MCTP2: variants seen among roughly 807,000 people sequenced by gnomAD.
MCTP2 encodes the protein multiple C2 and transmembrane domain containing 2, also known as multiple C2 and transmembrane domain-containing protein 2.
MCTP2 carries 132 observed loss-of-function variants against 111.6 expected under a neutral mutation model. The observed-to-expected ratio is 1.18, with a 90% CI of 1.03 to 1.37. The LOEUF (loss-of-function observed/expected upper bound fraction) is 1.37. Among genes scored for constraint, MCTP2 ranks in the 40% most tolerant of loss-of-function variants. The probability of loss-of-function intolerance (pLI) is 0.00; values close to 1 mark genes in which losing one functional copy is unlikely to be tolerated. For missense variants in MCTP2, 1,183 were observed against 1,067.9 expected (o/e 1.11, Z -1.50); for synonymous variants, 395 against 387.7 (o/e 1.02, Z -0.22).
intron 4 of MCTP2, among the ~76,000 whole-genome samples, chr15:94,317,263 C>T (rs1328682008): frequency 6.6e-6 from 1 of 152,004 alleles, no homozygotes; most frequent in Non-Finnish European, 1.5e-5. Context: ...GTTTGCTTAT[C>T]ATTTTATTTG....
Position 94,265,337 on chromosome 15 carries a change from C to T in MCTP2, c.-65-32864C>T, listed in dbSNP as rs371412552. Among the ~76,000 whole-genome samples, 26 of 152,224 alleles carry T rather than the reference C, an allele frequency of 1.7e-4. 1 individual carries two copies. The highest frequency in any genetic ancestry group is 1.0e-3 in the South Asian group (5 of 4,828). On this transcript the variant is annotated intron_variant, in intron 1 of 22. Transcript: ENST00000357742. ...AATGGTAATGGCAGACAGAGGCAGA[C>T]GAAGGGACTGAGTTCAGTGTACTTT...
At position 94,480,022 on chromosome 15, in the gene MCTP2, AAAAT is replaced by A. The variant is rs1196867812; in HGVS notation, c.*991_*994del. On this transcript the variant is annotated 3_prime_UTR_variant, in exon 23 of 23. Coordinates refer to ENST00000357742, the MANE Select transcript of MCTP2 (RefSeq NM_001385001.1). The stretch of plus-strand genomic sequence containing the variant: ...TGTATCTTTTGTTCCTCTTAGAAGT[AAAAT>A]AAGCTACATACAATAAAAATTTATT... 3 of 152,202 alleles carry A rather than the reference AAAAT, an allele frequency of 2.0e-5. No homozygotes were observed. Among genetic ancestry groups the A allele is most frequent in the African/African-American group, 7.2e-5 (3 of 41,450 alleles). 9.4% of individuals were successfully genotyped at this position (152,202 alleles called of 1,614,324 possible).
chr15:94,458,477 A>G (rs771257669), intron 20 of MCTP2, among the ~76,000 whole-genome samples: 2 of 152,250 alleles, frequency 1.3e-5, no homozygotes, highest in East Asian at 1.9e-4. Flanking sequence ...TCACCCCAAC[A>G]TAAATATTAC....
chr15:94,335,063 G>A (rs1223345502), intron 4 of MCTP2, among the ~76,000 whole-genome samples: 1 of 152,160 alleles, frequency 6.6e-6, no homozygotes, highest in Non-Finnish European at 1.5e-5. Context: ...TCTGGTGCCA[G>A]CTTTCTCCTC....
intron 2 of MCTP2, among the ~76,000 whole-genome samples, chr15:94,304,971 TATC>T (rs1459311888): frequency 3.3e-5 from 5 of 152,200 alleles, no homozygotes; most frequent in Non-Finnish European, 5.9e-5. Context: ...GCTGATATCT[TATC>T]ATGGTGGCCT....
chr15:94,245,410 TTATATACATGTGTGTATATATTTATA>T (rs1567265179), intron 1 of MCTP2, among the ~76,000 whole-genome samples: 4 of 137,520 alleles, frequency 2.9e-5, no homozygotes, highest in African/African-American at 1.1e-4. Flanking sequence ...GTGTATATAT[TTATATACATGTGTGTATATATTTATA>T]TATACACATA....
chr15:94,453,270 C>T (rs576453166), intron 19 of MCTP2, among the ~76,000 whole-genome samples: 34 of 152,284 alleles, frequency 2.2e-4, no homozygotes, highest in African/African-American at 7.9e-4. Context: ...ACTCTAACAA[C>T]CAGGAATGAC....
chr15:94,243,656 CAT>C lies in MCTP2; in HGVS notation c.-66+11995_-66+11996del, dbSNP rs765174519. Among the ~76,000 whole-genome samples, 315 of 148,730 alleles carry C rather than the reference CAT, an allele frequency of 2.1e-3. 2 individuals carry two copies. The highest frequency in any genetic ancestry group is 8.4e-3 in the Admixed American group (125 of 14,962). The stretch of plus-strand genomic sequence containing the variant: ...GCGTATATACATATATATGTATACA[CAT>C]ATGCGTATATATACACATATATGTA... On this transcript the variant is annotated intron_variant, in intron 1 of 22. Transcript: ENST00000357742.
intron 12 of MCTP2, among the ~76,000 whole-genome samples, chr15:94,382,673 C>T (rs907504729): frequency 1.3e-5 from 2 of 152,242 alleles, no homozygotes; most frequent in African/African-American, 4.8e-5. Flanking sequence ...TTCAGTGACC[C>T]GAATGGTAGG....
chr15:94,304,648 C>G (rs1313560459), intron 2 of MCTP2, among the ~76,000 whole-genome samples: 2 of 152,132 alleles, frequency 1.3e-5, no homozygotes, highest in Non-Finnish European at 2.9e-5. Flanking sequence ...ACATGAGAAT[C>G]AGGAAAATTG....
chr15:94,329,582 GC>G (rs1343427030), intron 4 of MCTP2, among the ~76,000 whole-genome samples: 1 of 152,050 alleles, frequency 6.6e-6, no homozygotes, highest in East Asian at 1.9e-4. Context: ...TTGAGAATTC[GC>G]TCACTGTCAT....
chr15:94,236,377 C>CTTTTTTTTTTTTTTT lies in MCTP2; in HGVS notation c.-66+4727_-66+4741dup, dbSNP rs71132992. Among the ~76,000 whole-genome samples the CTTTTTTTTTTTTTTT allele has an allele frequency of 9.8e-4, 71 of 72,510 alleles. 5 individuals are homozygous for CTTTTTTTTTTTTTTT. Among genetic ancestry groups the CTTTTTTTTTTTTTTT allele is most frequent in the East Asian group, 2.8e-3 (6 of 2,152 alleles). 47.6% of individuals were successfully genotyped at this position (72,510 alleles called of 152,430 possible). A position where few individuals can be genotyped will look rare whatever the true frequency, so the allele number is the denominator to read the frequency against. On this transcript the variant is annotated intron_variant, in intron 1 of 22. Coordinates refer to ENST00000357742, the MANE Select transcript of MCTP2 (RefSeq NM_001385001.1). ...TATGATTCAATCCTTTCTTTTTTTT[C>CTTTTTTTTTTTTTTT]TTTTTTTTTTTTTTTTTTTTTTTTT...
At chr15:94,269,722 C>G (rs1195254277) in intron 1 of MCTP2, among the ~76,000 whole-genome samples, 1 of 152,114 alleles carries the variant, frequency 6.6e-6, no homozygotes, top group Admixed American at 6.5e-5. Flanking sequence ...TGAATATTTT[C>G]CACAGAGCCT....
At chr15:94,384,546 T>C (rs1409947982) in intron 13 of MCTP2, among the ~76,000 whole-genome samples, 1 of 152,172 alleles carries the variant, frequency 6.6e-6, no homozygotes, top group Non-Finnish European at 1.5e-5. Flanking sequence ...TTCCAGTTTA[T>C]CTGAGCGACC....
intron 12 of MCTP2, among the ~76,000 whole-genome samples, chr15:94,373,163 A>G (rs932525484): frequency 2.6e-5 from 4 of 152,184 alleles, no homozygotes; most frequent in Admixed American, 6.5e-5. Context: ...TCGAATAACC[A>G]TTAGAAAAAG....
At chr15:94,429,086 A>G (rs1453850316) in intron 17 of MCTP2, among the ~76,000 whole-genome samples, 1 of 152,126 alleles carries the variant, frequency 6.6e-6, no homozygotes, top group African/African-American at 2.4e-5. Context: ...CATGATTGAC[A>G]TAAGTGCCCC....
intron 1 of MCTP2, among the ~76,000 whole-genome samples, chr15:94,238,513 GAA>G (rs544690740): frequency 6.8e-6 from 1 of 148,118 alleles, no homozygotes; most frequent in African/African-American, 2.5e-5. Flanking sequence ...GTAGCTAGGA[GAA>G]AAAAAAAAGT....
intron 7 of MCTP2, chr15:94,341,808 T>C (rs2077654916): frequency 6.6e-6 from 1 of 152,230 alleles, no homozygotes; most frequent in African/African-American, 2.4e-5. Context: ...GTTCCTTTTA[T>C]TACTTCTTTT....
At chr15:94,371,432 G>T (rs764876618) in intron 12 of MCTP2, among the ~76,000 whole-genome samples, 20 of 152,218 alleles carry the variant, frequency 1.3e-4, no homozygotes, top group Admixed American at 2.6e-4. Flanking sequence ...AGCACATTTA[G>T]AATTGCCTAT....
Sources: gnomAD v4.1 joint callset for allele counts (sites outside exome capture counted in the v4.1 genomes callset) on GRCh38, gnomAD v4.1.1 for gene constraint, MANE v1.5 for transcripts, NCBI Gene and HGNC (gene_info 2026-07-23, HGNC 2026-07-21) for gene names.